Variants in B3GALT1 observed in about 807,000 individuals in gnomAD.
B3GALT1 encodes the protein beta-1,3-galactosyltransferase 1, also known as UDP-Gal:betaGlcNAc beta 1,3-galactosyltransferase, polypeptide 1.
B3GALT1 carries 10 observed loss-of-function variants against 23.2 expected under a neutral mutation model. The observed-to-expected ratio is 0.43, with a 90% CI of 0.27 to 0.73. The LOEUF (loss-of-function observed/expected upper bound fraction) is 0.73, where lower values mean the gene tolerates loss of function less well. Ranked by LOEUF, B3GALT1 falls within the 30% of genes least tolerant of loss-of-function variation. The probability of loss-of-function intolerance (pLI) is 0.21; values close to 1 mark genes in which losing one functional copy is unlikely to be tolerated. For missense variants in B3GALT1, 299 were observed against 405.4 expected (o/e 0.74, Z 2.25); for synonymous variants, 156 against 141.5 (o/e 1.10, Z -0.73).
chr2:167,446,974 T>G (rs1559099482), intron 1 of B3GALT1, among the ~76,000 whole-genome samples: 1 of 152,204 alleles, frequency 6.6e-6, no homozygotes, highest in Non-Finnish European at 1.5e-5. Flanking sequence ...TGCTCTGGTT[T>G]CTCCCCATCT....
intron 4 of B3GALT1, among the ~76,000 whole-genome samples, chr2:167,835,248 C>T (rs562167966): frequency 7.9e-5 from 12 of 152,270 alleles, no homozygotes; most frequent in South Asian, 4.1e-4. Context: ...ACACAGGAAG[C>T]GCAAGGGGTC....
intron 1 of B3GALT1, among the ~76,000 whole-genome samples, chr2:167,409,709 C>T (rs1158783051): frequency 6.6e-6 from 1 of 151,776 alleles, no homozygotes; most frequent in Non-Finnish European, 1.5e-5. Context: ...GCCCCTTTAG[C>T]ACAGAGTTGT....
intron 2 of B3GALT1, among the ~76,000 whole-genome samples, chr2:167,557,537 C>T (rs1341233136): frequency 2.0e-5 from 3 of 152,162 alleles, no homozygotes; most frequent in African/African-American, 7.2e-5. Context: ...CAGGGCAACC[C>T]TCGTTCTTTC....
intron 1 of B3GALT1, among the ~76,000 whole-genome samples, chr2:167,464,020 G>T (rs1699306854): frequency 6.6e-6 from 1 of 152,074 alleles, no homozygotes; most frequent in Non-Finnish European, 1.5e-5. Flanking sequence ...CCTTACTCAG[G>T]TCTGAGAAAC....
chr2:167,309,883 G>C (rs553403394), intron 1 of B3GALT1, among the ~76,000 whole-genome samples: 3 of 152,078 alleles, frequency 2.0e-5, no homozygotes, highest in African/African-American at 7.2e-5. Context: ...GTCCAAAACA[G>C]GCAAAAACCA....
chr2:167,767,800 A>G (rs1029847007), intron 3 of B3GALT1, among the ~76,000 whole-genome samples: 3 of 152,150 alleles, frequency 2.0e-5, no homozygotes, highest in African/African-American at 7.2e-5. Context: ...TTTCTACAGA[A>G]CGAATACAAT....
chr2:167,403,757 G>T (rs1045496586), intron 1 of B3GALT1, among the ~76,000 whole-genome samples: 4 of 152,032 alleles, frequency 2.6e-5, no homozygotes, highest in African/African-American at 9.7e-5. Context: ...TATAGGGAAA[G>T]AACCTGAAAT....
rs1382015490 is a variant in B3GALT1 at position 167,847,566 on chromosome 2, G to T, written c.-229-21245G>T. Among the ~76,000 whole-genome samples, 3 of 152,112 alleles carry T rather than the reference G, an allele frequency of 2.0e-5. No homozygotes were observed. In the South Asian group the frequency reaches 6.2e-4, roughly 32 times the overall value. On this transcript the variant is annotated intron_variant, in intron 4 of 4. Transcript: ENST00000392690. ...GACAATAATGACACAACCTACCAAA[G>T]CCTCTGGAATACAGCAAAAACGGTG...
At chr2:167,391,895 T>C (rs1374118680) in intron 1 of B3GALT1, among the ~76,000 whole-genome samples, 1 of 152,164 alleles carries the variant, frequency 6.6e-6, no homozygotes, top group Non-Finnish European at 1.5e-5. Context: ...TATTCTTAAA[T>C]GATATAACTT....
chr2:167,736,598 C>T (rs1458752122), intron 3 of B3GALT1, among the ~76,000 whole-genome samples: 1 of 152,138 alleles, frequency 6.6e-6, no homozygotes, highest in Non-Finnish European at 1.5e-5. Flanking sequence ...TGTTAGGACT[C>T]CCAGTAGAAT....
chr2:167,430,471 G>A (rs542374200), intron 1 of B3GALT1, among the ~76,000 whole-genome samples: 10 of 152,288 alleles, frequency 6.6e-5, no homozygotes, highest in African/African-American at 2.2e-4. Flanking sequence ...TGTTAGGGAT[G>A]CAGAAGAGTC....
chr2:167,576,691 A>G (rs868107209), intron 2 of B3GALT1, among the ~76,000 whole-genome samples: 1 of 151,686 alleles, frequency 6.6e-6, no homozygotes. Context: ...AGCAGTGTTT[A>G]TTAGCATTGA....
At chr2:167,308,329 CT>C (rs1218238000) in intron 1 of B3GALT1, among the ~76,000 whole-genome samples, 1 of 151,920 alleles carries the variant, frequency 6.6e-6, no homozygotes, top group Non-Finnish European at 1.5e-5. Context: ...AGAATGGTAT[CT>C]ATTACTAGAA....
chr2:167,448,038 A>T (rs1699028183), intron 1 of B3GALT1, among the ~76,000 whole-genome samples: 1 of 152,158 alleles, frequency 6.6e-6, no homozygotes, highest in Non-Finnish European at 1.5e-5. Context: ...TGGGAATTTG[A>T]GCTGCTTCCA....
chr2:167,649,928 T>A (rs887432232), intron 3 of B3GALT1, among the ~76,000 whole-genome samples: 1 of 152,020 alleles, frequency 6.6e-6, no homozygotes, highest in Admixed American at 6.6e-5. Context: ...GCCTAATTGA[T>A]CTTACTAGAA....
chr2:167,692,575 C>G (rs1054977085), intron 3 of B3GALT1, among the ~76,000 whole-genome samples: 27 of 152,210 alleles, frequency 1.8e-4, no homozygotes, highest in African/African-American at 6.3e-4. Context: ...TGAGAACTAA[C>G]ATGCATTTAT....
chr2:167,695,970 C>T (rs530894997), intron 3 of B3GALT1, among the ~76,000 whole-genome samples: 57 of 152,192 alleles, frequency 3.7e-4, no homozygotes, highest in African/African-American at 1.2e-3. Context: ...AAGTTATACA[C>T]ATCCCTTAGG....
chr2:167,758,806 C>T lies in B3GALT1; in HGVS notation c.-351-59866C>T, dbSNP rs1000656389. On this transcript the variant is annotated intron_variant, in intron 3 of 4. Transcript: ENST00000392690. The stretch of plus-strand genomic sequence containing the variant: ...TCATCTCCCTGGGCTGCTGGCTGGT[C>T]TACAGATGGTCAGGCTCAGATCCCT... Among the ~76,000 whole-genome samples the T allele has an allele frequency of 7.9e-5, 12 of 152,116 alleles. No homozygotes were observed. The East Asian group carries it at 2.1e-3, about 27-fold the overall frequency.
intron 2 of B3GALT1, among the ~76,000 whole-genome samples, chr2:167,616,269 T>A (rs1685159890): frequency 6.6e-6 from 1 of 152,100 alleles, no homozygotes; most frequent in African/African-American, 2.4e-5. Context: ...TAAGTACATC[T>A]CTAGAGGGCA....
Sources: gnomAD v4.1 joint callset for allele counts (sites outside exome capture counted in the v4.1 genomes callset) on GRCh38, gnomAD v4.1.1 for gene constraint, MANE v1.5 for transcripts, NCBI Gene and HGNC (gene_info 2026-07-23, HGNC 2026-07-21) for gene names.